The following IQSEC1 variants were observed in gnomAD, a reference collection of about 807,000 sequenced individuals.
IQSEC1 encodes IQ motif and SEC7 domain-containing protein 1.
In IQSEC1, 31 loss-of-function variants were observed where a neutral mutation model predicts 91.0. The ratio of observed to expected loss-of-function variants is 0.34; its 90% CI spans 0.26 to 0.46. The LOEUF (loss-of-function observed/expected upper bound fraction) is 0.46. IQSEC1 is among the 20% of genes least tolerant of loss of function. The pLI is 1.00. For missense variants in IQSEC1, 1,388 were observed against 1,575.6 expected, an observed-to-expected ratio of 0.88 and a Z score of 2.02; for synonymous variants, 699 against 662.6, an observed-to-expected ratio of 1.05 and a Z score of -0.84.
At chr3:13,069,968 G>A (rs1397230371) in intron 1 of IQSEC1, among the ~76,000 whole-genome samples, 1 of 152,144 alleles carries the variant, frequency 6.6e-6, no homozygotes, top group Non-Finnish European at 1.5e-5. Flanking sequence ...CATCCAGTGT[G>A]CCACCTTCAC....
chr3:13,244,078 G>A (rs927393339), intron 1 of IQSEC1, among the ~76,000 whole-genome samples: 20 of 152,250 alleles, frequency 1.3e-4, no homozygotes, highest in Non-Finnish European at 2.5e-4. Flanking sequence ...CACTTTGTGA[G>A]CAGAGCTGAA....
chr3:13,167,499 T>C (rs969804943), intron 1 of IQSEC1, among the ~76,000 whole-genome samples: 7 of 151,742 alleles, frequency 4.6e-5, no homozygotes, highest in Non-Finnish European at 7.4e-5. Context: ...GGAGGAGAAG[T>C]CTGCACGCAT....
intron 1 of IQSEC1, among the ~76,000 whole-genome samples, chr3:13,036,464 T>TA (rs199862378): frequency 6.6e-6 from 1 of 152,126 alleles, no homozygotes. Flanking sequence ...TAATTTTTTT[T>TA]AAAAAGAAAA....
Position 12,935,555 on chromosome 3 carries a change from G to C in IQSEC1, c.1461C>G (p.Ser487Arg). 1 of 1,614,084 alleles carries C rather than the reference G, an allele frequency of 6.2e-7. No individual in the cohort carries two copies. Among genetic ancestry groups the C allele is most frequent in the Non-Finnish European group, 8.5e-7 (1 of 1,180,016 alleles). ...GGGCCTCCTTGTGGTAGGTCTGCTT[G>C]CTGAGCGTCTGCTCCCGCAGGCTGT... Reference protein sequence around the residue: ...SRDSLREQTLSKQTYHKEARN... With the variant: ...SRDSLREQTLRKQTYHKEARN... The change falls in exon 3 of 14, where the codon AGC becomes AGG. Residue 487 changes from serine to arginine, a missense_variant. By Grantham distance (110) the Ser-to-Arg change is moderately radical (BLOSUM62 -1). Around this residue, in one of 2 missense-constraint regions of IQSEC1, gnomAD observed 1,059 missense variants for 1,317.8 expected, o/e 0.80. Transcript: ENST00000613206. This position sits in a 1 kb window ranked among gnomAD's most constrained non-coding sequence, Gnocchi z 8.0.
chr3:13,024,093 C>T (rs1703512536), intron 1 of IQSEC1, among the ~76,000 whole-genome samples: 3 of 152,204 alleles, frequency 2.0e-5, no homozygotes, highest in Non-Finnish European at 4.4e-5. Flanking sequence ...CAGACTAAGG[C>T]CTCCATTCAA....
In IQSEC1 at chr3:13,272,667, T is replaced by C. The variant is rs1695609424; in HGVS notation, c.272+10044A>G. ...TCTCGATGTCCGGCAACTGCTGAGC[T>C]GGGTAAGAGTAAAGCCTCACAGAAA... On this transcript the variant is annotated intron_variant, in intron 1 of 15. Coordinates refer to the IQSEC1 transcript ENST00000648114. Among the ~76,000 whole-genome samples, 2 of 152,156 alleles carry C rather than the reference T, an allele frequency of 1.3e-5. 1 individual carries two copies. The highest frequency in any genetic ancestry group is 4.1e-4 in the South Asian group (2 of 4,832).
intron 1 of IQSEC1, among the ~76,000 whole-genome samples, chr3:12,996,030 G>T (rs1702214502): frequency 1.3e-5 from 2 of 152,012 alleles, no homozygotes; most frequent in Admixed American, 1.3e-4. Flanking sequence ...AAATTAACCA[G>T]GCATGGTAGT....
intron 1 of IQSEC1, among the ~76,000 whole-genome samples, chr3:13,058,663 G>A (rs1186286404): frequency 6.6e-6 from 1 of 152,214 alleles, no homozygotes; most frequent in Non-Finnish European, 1.5e-5. Flanking sequence ...GTGGGTACAA[G>A]GGTGTGCTGG....
intron 2 of IQSEC1, among the ~76,000 whole-genome samples, chr3:13,153,343 A>C (rs1707031480): frequency 1.3e-5 from 2 of 152,154 alleles, no homozygotes; most frequent in Admixed American, 1.3e-4. Flanking sequence ...GTGGACTTGG[A>C]CTGGTGAGGG....
intron 1 of IQSEC1, among the ~76,000 whole-genome samples, chr3:13,010,843 C>A (rs1702852494): frequency 6.6e-6 from 1 of 152,184 alleles, no homozygotes; most frequent in African/African-American, 2.4e-5. Flanking sequence ...GCCCTCATCC[C>A]TCCCAGACAG....
At chr3:13,034,851 A>G (rs762413775) in intron 1 of IQSEC1, among the ~76,000 whole-genome samples, 8 of 152,216 alleles carry the variant, frequency 5.3e-5, no homozygotes, top group African/African-American at 9.6e-5. Flanking sequence ...CATCGCAGGG[A>G]ATACAGGCCC....
intron 1 of IQSEC1, among the ~76,000 whole-genome samples, chr3:13,250,436 T>G (rs1388966624): frequency 6.7e-6 from 1 of 148,470 alleles, no homozygotes; most frequent in Non-Finnish European, 1.5e-5. Flanking sequence ...TTTTTTTTTT[T>G]GAGACAGAGT....
intron 2 of IQSEC1, among the ~76,000 whole-genome samples, chr3:13,108,903 C>A (rs1042669694): frequency 6.6e-6 from 1 of 152,206 alleles, no homozygotes; most frequent in African/African-American, 2.4e-5. Context: ...TCATGGCCCC[C>A]GAGTGAAACG....
At chr3:12,926,136 C>G (rs1460915225) in intron 3 of IQSEC1, among the ~76,000 whole-genome samples, 2 of 152,056 alleles carry the variant, frequency 1.3e-5, no homozygotes, top group Non-Finnish European at 2.9e-5. Flanking sequence ...CATGGTGAAA[C>G]CCCATCTCTA....
intron 1 of IQSEC1, among the ~76,000 whole-genome samples, chr3:13,198,924 G>A (rs1054203045): frequency 1.3e-5 from 2 of 152,220 alleles, no homozygotes; most frequent in Non-Finnish European, 1.5e-5. Context: ...TGCCCAGGAC[G>A]GAATACACCA....
At chr3:12,931,069 G>T (rs765339703) in intron 3 of IQSEC1, among the ~76,000 whole-genome samples, 1 of 152,152 alleles carries the variant, frequency 6.6e-6, no homozygotes, top group Non-Finnish European at 1.5e-5. Flanking sequence ...AACCCAAGTG[G>T]CTTCCCTGGT....
At chr3:13,129,613 G>A (rs1706572708) in intron 2 of IQSEC1, among the ~76,000 whole-genome samples, 1 of 148,524 alleles carries the variant, frequency 6.7e-6, no homozygotes, top group Non-Finnish European at 1.5e-5. Context: ...GGCATTTAGT[G>A]CTCTGTTTTC....
chr3:13,071,257 A>G (rs1364272933), intron 1 of IQSEC1, among the ~76,000 whole-genome samples: 2 of 151,234 alleles, frequency 1.3e-5, no homozygotes, highest in African/African-American at 4.9e-5. Flanking sequence ...GGGTTCCAGT[A>G]GAACTGTGCT....
At chr3:12,951,831 G>A (rs1466643133) in intron 1 of IQSEC1, among the ~76,000 whole-genome samples, 1 of 152,134 alleles carries the variant, frequency 6.6e-6, no homozygotes, top group Non-Finnish European at 1.5e-5. Context: ...CCTAGGGAGG[G>A]TGGACAGAAA....
Sources: allele counts gnomAD v4.1 joint callset (sites outside exome capture counted in the v4.1 genomes callset), GRCh38; gene constraint gnomAD v4.1.1; regional missense constraint gnomAD v4.1.1; non-coding constraint Gnocchi (gnomAD v3.1); transcripts MANE v1.5; gene names NCBI Gene and HGNC (gene_info 2026-07-23, HGNC 2026-07-21).